The following CNST variants were observed in gnomAD, a reference collection of about 807,000 sequenced individuals.
CNST encodes consortin, connexin sorting protein.
CNST carries 39 observed loss-of-function variants against 72.4 expected under a neutral mutation model. The observed-to-expected ratio is 0.54, with a 90% CI of 0.42 to 0.70. The LOEUF (loss-of-function observed/expected upper bound fraction) is 0.70, where lower values mean the gene tolerates loss of function less well. Ranked by LOEUF, CNST falls within the 30% of genes least tolerant of loss-of-function variation. The pLI is 0.00. For synonymous variants in CNST, 332 were observed against 320.1 expected, an observed-to-expected ratio of 1.04 and a Z score of -0.40; for missense variants, 871 against 868.5, an observed-to-expected ratio of 1.00 and a Z score of -0.04.
chr1:246,639,140 C>T (rs755239851), intron 6 of CNST, among the ~76,000 whole-genome samples: 17 of 151,872 alleles, frequency 1.1e-4, no homozygotes, highest in African/African-American at 2.4e-4. Context: ...ATCTGGAGGG[C>T]GGGTCCCTTA....
At chr1:246,567,967 C>T (rs1442121944) in intron 1 of CNST, among the ~76,000 whole-genome samples, 3 of 151,992 alleles carry the variant, frequency 2.0e-5, no homozygotes, top group African/African-American at 7.3e-5. Context: ...TCATGGTTCA[C>T]TCATAGAAAT....
At chr1:246,612,530 TATACC>T (rs1266361565) in intron 2 of CNST, among the ~76,000 whole-genome samples, 3 of 152,176 alleles carry the variant, frequency 2.0e-5, no homozygotes, top group Admixed American at 2.0e-4. Flanking sequence ...CACTGAATTG[TATACC>T]TTAAAATGTT....
chr1:246,624,726 A>G (rs1054108985), intron 3 of CNST, among the ~76,000 whole-genome samples: 1 of 152,216 alleles, frequency 6.6e-6, no homozygotes, highest in African/African-American at 2.4e-5. Context: ...CACATGGTAT[A>G]TTTCACCTAG....
intron 1 of CNST, among the ~76,000 whole-genome samples, chr1:246,585,519 T>A (rs1411924334): frequency 6.6e-6 from 1 of 151,316 alleles, no homozygotes; most frequent in Non-Finnish European, 1.5e-5. Context: ...TAGTGGTGCA[T>A]GCCTGTAATC....
chr1:246,653,981 C>T (rs1666634529), intron 9 of CNST, among the ~76,000 whole-genome samples: 1 of 152,192 alleles, frequency 6.6e-6, no homozygotes, highest in Admixed American at 6.5e-5. Flanking sequence ...CTTTTTTAAA[C>T]TCCACAGATT....
intron 4 of CNST, among the ~76,000 whole-genome samples, 175 bp from the exon 5 acceptor site, chr1:246,633,746 GAAA>G (rs746900904): frequency 1.8e-5 from 2 of 113,982 alleles, no homozygotes; most frequent in Admixed American, 9.1e-5. Context: ...CCATCTCAAG[GAAA>G]AAAAAAAAAA....
chr1:246,636,735 T>C (rs1665281239), intron 6 of CNST, among the ~76,000 whole-genome samples: 1 of 152,274 alleles, frequency 6.6e-6, no homozygotes, highest in African/African-American at 2.4e-5. Context: ...GACTGCCAGA[T>C]ACTCCTAGAT....
Position 246,647,764 on chromosome 1 carries a change from A to G in CNST, c.1563A>G (p.Ile521Met). The G allele has an allele frequency of 1.9e-6, 3 of 1,614,210 alleles. No individual in the cohort carries two copies. The highest frequency in any genetic ancestry group is 2.5e-6 in the Non-Finnish European group (3 of 1,180,044). Residue 521 changes from isoleucine (I) to methionine (M), a missense_variant, in exon 9 of 11, where the codon ATA (isoleucine) becomes ATG (methionine). Ile to Met is a conservative substitution (Grantham distance 10). Transcript: ENST00000366513. ...CGNNQISDLG[I>M]LLPEVCMAPE... ...ATAATCAAATATCTGACTTAGGCAT[A>G]CTGCTTCCAGAGGTGTGTATGGCCC...
chr1:246,592,715 G>A (rs1430800934), intron 2 of CNST, among the ~76,000 whole-genome samples: 2 of 152,146 alleles, frequency 1.3e-5, no homozygotes, highest in Non-Finnish European at 2.9e-5. Context: ...CACTCAGCAG[G>A]TAAATAAAAT....
At chr1:246,605,085 T>G (rs1467844119) in intron 2 of CNST, among the ~76,000 whole-genome samples, 1 of 152,256 alleles carries the variant, frequency 6.6e-6, no homozygotes, top group African/African-American at 2.4e-5. Context: ...TACTTTCTTA[T>G]AAGGTCATGT....
intron 2 of CNST, among the ~76,000 whole-genome samples, chr1:246,605,315 C>T (rs891106016): frequency 3.3e-5 from 5 of 152,232 alleles, no homozygotes; most frequent in African/African-American, 1.2e-4. Flanking sequence ...GTGACTCACA[C>T]TTATAATCCC....
chr1:246,571,240 C>T (rs1273936105), intron 1 of CNST, among the ~76,000 whole-genome samples: 1 of 152,200 alleles, frequency 6.6e-6, no homozygotes, highest in African/African-American at 2.4e-5. Context: ...CCTCCACCTC[C>T]TGGGTTCAAG....
At position 246,647,749 on chromosome 1, in the gene CNST, A is replaced by G. The variant is rs1265409066; in HGVS notation, c.1548A>G (p.Ile516Met). 1 of 1,614,184 alleles carries G rather than the reference A, an allele frequency of 6.2e-7. No homozygotes were observed. Among genetic ancestry groups the G allele is most frequent in the Non-Finnish European group, 8.5e-7 (1 of 1,180,032 alleles). Reference sequence around the variant, plus strand: ...ATGTGCTCTGTGGAAATAATCAAATATCTGACTTAGGCATACTGCTTCCAG... The same window carrying G: ...ATGTGCTCTGTGGAAATAATCAAATGTCTGACTTAGGCATACTGCTTCCAG... ...SENVLCGNNQ[I>M]SDLGILLPEV... The change falls in exon 9 of 11, where the codon ATA (isoleucine) becomes ATG (methionine). Residue 516 changes from isoleucine (I) to methionine (M), a missense_variant. Coordinates refer to ENST00000366513, the MANE Select transcript of CNST (RefSeq NM_152609.3).
intron 8 of CNST, among the ~76,000 whole-genome samples, chr1:246,646,811 A>C (rs1666108101): frequency 1.3e-5 from 2 of 152,218 alleles, no homozygotes; most frequent in African/African-American, 2.4e-5. Context: ...TGCTGAAAAT[A>C]ATTTTTGTAA....
At position 246,591,733 on chromosome 1, in the gene CNST, G is replaced by A. The variant is rs1196364666; in HGVS notation, c.171G>A (p.Ala57=). The A allele has an allele frequency of 1.3e-5, 21 of 1,614,076 alleles. No individual in the cohort carries two copies. The highest frequency in any genetic ancestry group is 6.7e-5 in the Admixed American group (4 of 60,004). The change falls in exon 2 of 11, where the codon GCG becomes GCA. Residue 57 remains alanine (A), a synonymous_variant. Coordinates refer to ENST00000366513, the MANE Select transcript of CNST (RefSeq NM_152609.3). ...GHEHLTSSDS[A]MGKPQVSEQD... ...AGCATCTGACCAGCAGTGACAGTGC[G>A]ATGGGAAAGCCCCAAGTGTCTGAGC...
intron 9 of CNST, chr1:246,648,290 A>G: frequency 1.8e-6 from 2 of 1,133,486 alleles, no homozygotes; most frequent in African/African-American, 1.6e-5. Context: ...GTTATTGTAT[A>G]TATCCATTTT....
intron 2 of CNST, among the ~76,000 whole-genome samples, chr1:246,605,085 T>A (rs1467844119): frequency 6.6e-6 from 1 of 152,374 alleles, no homozygotes; most frequent in Middle Eastern, 3.4e-3. Context: ...TACTTTCTTA[T>A]AAGGTCATGT....
chr1:246,634,752 C>T (rs905800577), intron 6 of CNST, among the ~76,000 whole-genome samples, 165 bp downstream of exon 6: 7 of 152,222 alleles, frequency 4.6e-5, no homozygotes, highest in African/African-American at 1.2e-4. Flanking sequence ...CCCGGGAGCG[C>T]GCCAACAGAC....
intron 1 of CNST, among the ~76,000 whole-genome samples, chr1:246,588,754 T>A (rs1661354343): frequency 6.6e-6 from 1 of 152,218 alleles, no homozygotes. Flanking sequence ...ACTAAATCAT[T>A]GAAATATGGT....
Sources: allele counts gnomAD v4.1 joint callset (sites outside exome capture counted in the v4.1 genomes callset), GRCh38; gene constraint gnomAD v4.1.1; transcripts MANE v1.5; gene names NCBI Gene and HGNC (gene_info 2026-07-23, HGNC 2026-07-21).